CDK14: variants seen among roughly 807,000 people sequenced by gnomAD.
CDK14 encodes cyclin dependent kinase 14, also known as cyclin-dependent kinase 14.
A neutral mutation model predicts 60.7 loss-of-function variants in CDK14; 34 were observed. The observed-to-expected ratio is 0.56, with a 90% CI of 0.43 to 0.75. The LOEUF is 0.75. Among genes scored for constraint, CDK14 ranks in the 30% least tolerant of loss-of-function variants. The probability of loss-of-function intolerance (pLI) is 0.00; values close to 1 mark genes in which losing one functional copy is unlikely to be tolerated. For missense variants in CDK14, 482 were observed against 564.1 expected (o/e 0.85, Z 1.47); for synonymous variants, 197 against 203.7 (o/e 0.97, Z 0.28).
intron 4 of CDK14, among the ~76,000 whole-genome samples, chr7:90,748,547 C>T (rs1357462757): frequency 1.3e-5 from 2 of 152,228 alleles, no homozygotes; most frequent in African/African-American, 4.8e-5. Context: ...ATTTTCTATA[C>T]TGTCCCTGTT....
intron 5 of CDK14, among the ~76,000 whole-genome samples, chr7:90,821,978 C>T (rs1279823995): frequency 6.6e-6 from 1 of 152,196 alleles, no homozygotes; most frequent in Non-Finnish European, 1.5e-5. Context: ...TGGAATGTCC[C>T]CTCTTCTCTA....
At chr7:91,080,718 T>G (rs1465405167) in intron 12 of CDK14, among the ~76,000 whole-genome samples, 2 of 152,198 alleles carry the variant, frequency 1.3e-5, no homozygotes, top group African/African-American at 4.8e-5. Flanking sequence ...GAATAAGACA[T>G]CATTCCTTCC....
chr7:91,102,204 G>A (rs1051512953), intron 12 of CDK14, among the ~76,000 whole-genome samples: 4 of 152,070 alleles, frequency 2.6e-5, no homozygotes, highest in Non-Finnish European at 5.9e-5. Flanking sequence ...AGAGTGTGAC[G>A]GTGCATAAAG....
intron 5 of CDK14, among the ~76,000 whole-genome samples, chr7:90,841,810 A>G (rs1004324988): frequency 8.5e-5 from 13 of 152,126 alleles, no homozygotes; most frequent in African/African-American, 2.9e-4. Context: ...AAAAGAGGAA[A>G]CTAATTTTCA....
At chr7:90,859,783 C>A (rs1411110110) in intron 5 of CDK14, among the ~76,000 whole-genome samples, 2 of 152,106 alleles carry the variant, frequency 1.3e-5, no homozygotes, top group Non-Finnish European at 2.9e-5. Context: ...TGTTGTAAAT[C>A]TCTCTTTAAA....
At chr7:90,675,353 G>A (rs1801178599) in intron 2 of CDK14, among the ~76,000 whole-genome samples, 1 of 151,784 alleles carries the variant, frequency 6.6e-6, no homozygotes, top group Non-Finnish European at 1.5e-5. Flanking sequence ...CTTCTTAAAA[G>A]TATTTTCATT....
Position 91,067,297 on chromosome 7 carries a change from C to A in CDK14, c.1106-12135C>A, listed in dbSNP as rs78317273. Among the ~76,000 whole-genome samples the A allele has an allele frequency of 2.0e-4, 31 of 152,250 alleles. No homozygotes were observed. In the East Asian group the frequency reaches 5.2e-3, roughly 26 times the overall value. Reference sequence around the variant, plus strand: ...AAAATTTTATTCTAATTATAAATGTCATGTTCGTGGCAGAAAACATTAGAA... The same window carrying A: ...AAAATTTTATTCTAATTATAAATGTAATGTTCGTGGCAGAAAACATTAGAA... On this transcript the variant is annotated intron_variant, in intron 11 of 14. Transcript: ENST00000380050.
At chr7:90,930,186 A>G (rs1031502337) in intron 8 of CDK14, among the ~76,000 whole-genome samples, 2 of 152,056 alleles carry the variant, frequency 1.3e-5, no homozygotes, top group Non-Finnish European at 2.9e-5. Flanking sequence ...AAGAGTAAAC[A>G]TATATAAGTG....
intron 10 of CDK14, among the ~76,000 whole-genome samples, chr7:91,002,299 G>A (rs940696175): frequency 1.3e-5 from 2 of 151,940 alleles, no homozygotes; most frequent in Non-Finnish European, 2.9e-5. Context: ...CTCCAAAATT[G>A]TTTCATTTTC....
chr7:91,178,706 AAT>A lies in CDK14; in HGVS notation c.*29-28458_*29-28457del, dbSNP rs551934461. On this transcript the variant is annotated intron_variant, in intron 14 of 14. Coordinates refer to ENST00000380050, the MANE Select transcript of CDK14 (RefSeq NM_001287135.2). ...TATGCAGCCAAAAAACACATGAAAA[AAT>A]GCTCATCATCACTGGCCATCAGAGA... Among the ~76,000 whole-genome samples, 33 of 151,970 alleles carry A rather than the reference AAT, an allele frequency of 2.2e-4. No individual in the cohort carries two copies. The South Asian group carries it at 6.3e-3, about 29-fold the overall frequency.
intron 11 of CDK14, among the ~76,000 whole-genome samples, chr7:91,051,798 A>G (rs1797400731): frequency 6.6e-6 from 1 of 152,170 alleles, no homozygotes; most frequent in Admixed American, 6.5e-5. Context: ...CCCTATGTGA[A>G]TCCCAGGATC....
intron 2 of CDK14, among the ~76,000 whole-genome samples, chr7:90,628,794 C>G (rs1378574777): frequency 6.6e-6 from 1 of 152,062 alleles, no homozygotes; most frequent in Admixed American, 6.6e-5. Flanking sequence ...TATGATCACA[C>G]CCACCACTGC....
chr7:91,115,918 T>A (rs1799597020), intron 13 of CDK14, among the ~76,000 whole-genome samples: 2 of 152,206 alleles, frequency 1.3e-5, no homozygotes, highest in African/African-American at 2.4e-5. Context: ...AATGTATTAG[T>A]GTGGCACTGA....
At chr7:90,936,490 A>G (rs1300830600) in intron 8 of CDK14, among the ~76,000 whole-genome samples, 1 of 152,236 alleles carries the variant, frequency 6.6e-6, no homozygotes, top group Non-Finnish European at 1.5e-5. Flanking sequence ...ACTTTTGTCT[A>G]GAAAGCTAAG....
chr7:90,800,896 C>A (rs575831704), intron 5 of CDK14, among the ~76,000 whole-genome samples: 1 of 152,232 alleles, frequency 6.6e-6, no homozygotes, highest in South Asian at 2.1e-4. Context: ...CTTTGGTGTT[C>A]TTTGGCTTAT....
intron 5 of CDK14, among the ~76,000 whole-genome samples, chr7:90,821,407 A>G (rs1201003143): frequency 6.6e-6 from 1 of 152,214 alleles, no homozygotes; most frequent in African/African-American, 2.4e-5. Context: ...TGCTCTCCTG[A>G]GTGACCTTTG....
At chr7:90,740,251 G>A (rs1467709303) in intron 3 of CDK14, among the ~76,000 whole-genome samples, 1 of 105,506 alleles carries the variant, frequency 9.5e-6, no homozygotes, top group African/African-American at 3.8e-5. Context: ...GTATGTGTGT[G>A]TGTATATATA....
rs115757773 is a variant in CDK14, at chr7:90,802,383, T to C, written c.544+11731T>C. ...TTTAAAGACACTATTTGTAGCATCA[T>C]TGTTGGAAGTACATGAATCCTATAA... On this transcript the variant is annotated intron_variant, in intron 5 of 14. Coordinates refer to ENST00000380050, the MANE Select transcript of CDK14 (RefSeq NM_001287135.2). Among the ~76,000 whole-genome samples, 746 of 152,338 alleles carry C rather than the reference T, an allele frequency of 4.9e-3. 3 individuals carry two copies. The highest frequency in any genetic ancestry group is 0.016 in the African/African-American group (674 of 41,588).
At chr7:91,138,014 T>G (rs1416019987) in intron 14 of CDK14, among the ~76,000 whole-genome samples, 1 of 151,912 alleles carries the variant, frequency 6.6e-6, no homozygotes, top group Non-Finnish European at 1.5e-5. Flanking sequence ...GAAAATAGAG[T>G]TCTGTGGAAT....
Sources: gnomAD v4.1 joint callset for allele counts (sites outside exome capture counted in the v4.1 genomes callset) on GRCh38, gnomAD v4.1.1 for gene constraint, MANE v1.5 for transcripts, NCBI Gene and HGNC (gene_info 2026-07-23, HGNC 2026-07-21) for gene names.